The following MEIS2 variants were observed in gnomAD, a reference collection of about 807,000 sequenced individuals.
MEIS2 encodes homeobox protein Meis2.
MEIS2 carries 9 observed loss-of-function variants against 58.6 expected under a neutral mutation model. The ratio of observed to expected loss-of-function variants is 0.15; its 90% CI spans 0.09 to 0.27. The LOEUF (loss-of-function observed/expected upper bound fraction) is 0.27. Among genes scored for constraint, MEIS2 ranks in the 10% least tolerant of loss-of-function variants. The pLI is 1.00. For missense variants in MEIS2, 427 were observed against 635.0 expected (o/e 0.67, Z 3.52); for synonymous variants, 221 against 228.4 (o/e 0.97, Z 0.29).
In MEIS2 at chr15:37,061,295, A is replaced by T. The variant is rs78508705; in HGVS notation, c.754+22476T>A. Among the ~76,000 whole-genome samples the T allele has an allele frequency of 5.7e-3, 861 of 152,348 alleles. 2 individuals are homozygous for T. Among genetic ancestry groups the T allele is most frequent in the Non-Finnish European group, 8.1e-3 (550 of 68,026 alleles). ...TTGGGATGCCTTCTTGAAAGGCATC[A>T]TGTTAAAGTGCTGCAATATACCAGG... is the stretch of plus-strand genomic sequence containing the variant. On this transcript the variant is annotated intron_variant, in intron 7 of 11. Transcript: ENST00000561208.
chr15:37,029,448 G>A (rs1191445771), intron 8 of MEIS2, among the ~76,000 whole-genome samples: 2 of 152,066 alleles, frequency 1.3e-5, no homozygotes, highest in Non-Finnish European at 2.9e-5. Flanking sequence ...AATAACTAAT[G>A]TCCATGAAAT....
chr15:37,087,081 T>C (rs1214221158), intron 6 of MEIS2, among the ~76,000 whole-genome samples: 1 of 152,092 alleles, frequency 6.6e-6, no homozygotes, highest in African/African-American at 2.4e-5. Flanking sequence ...TACAAAAGCA[T>C]GTAAAAACAC....
At chr15:37,051,488 T>C (rs1456555072) in intron 7 of MEIS2, among the ~76,000 whole-genome samples, 1 of 151,762 alleles carries the variant, frequency 6.6e-6, no homozygotes, top group Non-Finnish European at 1.5e-5. Context: ...TTAAAAGGAG[T>C]GTAAGGAAAT....
chr15:37,043,962 A>C (rs1462328482), intron 7 of MEIS2, among the ~76,000 whole-genome samples: 1 of 152,144 alleles, frequency 6.6e-6, no homozygotes, highest in Non-Finnish European at 1.5e-5. Context: ...CTGTGATTAC[A>C]GGCGTGAGCC....
intron 7 of MEIS2, among the ~76,000 whole-genome samples, chr15:37,047,695 T>C (rs907399376): frequency 5.9e-5 from 9 of 152,188 alleles, no homozygotes; most frequent in African/African-American, 2.2e-4. Flanking sequence ...GTTGTTATGA[T>C]ATATGAGTCT....
intron 3 of MEIS2, 28 bp downstream of exon 3, chr15:37,096,261 G>A (rs770285635): frequency 1.9e-6 from 3 of 1,566,748 alleles, no homozygotes; most frequent in South Asian, 1.2e-5. Context: ...GGGACTGCCC[G>A]AAGTTGAGTG....
chr15:36,997,491 T>G (rs1272459877), intron 8 of MEIS2, among the ~76,000 whole-genome samples: 1 of 7,916 alleles, frequency 1.3e-4, no homozygotes, highest in East Asian at 2.3e-3. Flanking sequence ...CTCTCTCTCT[T>G]TTTTTTTTTT....
intron 8 of MEIS2, among the ~76,000 whole-genome samples, chr15:37,030,147 A>G (rs2061855699): frequency 6.6e-6 from 1 of 152,194 alleles, no homozygotes; most frequent in South Asian, 2.1e-4. Flanking sequence ...CTCTCTCAAA[A>G]GTAGCCCCAT....
At chr15:37,006,033 C>T (rs2060909706) in intron 8 of MEIS2, among the ~76,000 whole-genome samples, 1 of 152,166 alleles carries the variant, frequency 6.6e-6, no homozygotes, top group South Asian at 2.1e-4. Flanking sequence ...AGTACTGAAT[C>T]ATTTTTATTG....
chr15:36,939,237 T>C (rs1464583759), intron 9 of MEIS2, among the ~76,000 whole-genome samples: 3 of 152,228 alleles, frequency 2.0e-5, no homozygotes, highest in African/African-American at 7.2e-5. Context: ...CTCTAGCTTA[T>C]TTGAATTCAA....
chr15:36,947,089 C>A (rs1379905385), intron 9 of MEIS2, among the ~76,000 whole-genome samples: 1 of 151,982 alleles, frequency 6.6e-6, no homozygotes, highest in Non-Finnish European at 1.5e-5. Flanking sequence ...TTGTGATTAG[C>A]TTTGACAGTG....
intron 6 of MEIS2, among the ~76,000 whole-genome samples, chr15:37,086,780 T>C (rs546820280): frequency 1.3e-5 from 2 of 152,196 alleles, no homozygotes; most frequent in African/African-American, 2.4e-5. Context: ...GTTGTTTGTA[T>C]TGAGCTACAC....
intron 9 of MEIS2, among the ~76,000 whole-genome samples, chr15:36,902,838 C>A (rs1351220875): frequency 6.6e-6 from 1 of 152,134 alleles, no homozygotes; most frequent in East Asian, 1.9e-4. Flanking sequence ...TCCATCTGTA[C>A]CTCTTAAAGG....
intron 9 of MEIS2, among the ~76,000 whole-genome samples, chr15:36,911,113 CT>C (rs2056999872): frequency 6.6e-6 from 1 of 150,930 alleles, no homozygotes; most frequent in Non-Finnish European, 1.5e-5. Context: ...TTATATTAGG[CT>C]TAAATGTTTT....
At chr15:37,036,197 A>T (rs1349405039) in intron 8 of MEIS2, among the ~76,000 whole-genome samples, 1 of 152,214 alleles carries the variant, frequency 6.6e-6, no homozygotes, top group East Asian at 1.9e-4. Flanking sequence ...AGAAGTGAAC[A>T]TGGTTAGCTT....
chr15:36,991,826 C>T (rs1209094825), intron 8 of MEIS2, among the ~76,000 whole-genome samples: 4 of 107,416 alleles, frequency 3.7e-5, no homozygotes, highest in African/African-American at 1.1e-4. Flanking sequence ...CTCGCTCTGT[C>T]GCCCAGGCTG....
intron 8 of MEIS2, among the ~76,000 whole-genome samples, chr15:36,976,249 TA>T (rs1422485052): frequency 6.6e-6 from 1 of 151,774 alleles, no homozygotes; most frequent in Non-Finnish European, 1.5e-5. Flanking sequence ...CATGCCCAGC[TA>T]ATTTTTTGTA....
intron 8 of MEIS2, among the ~76,000 whole-genome samples, chr15:36,974,678 T>C (rs935008060): frequency 6.6e-6 from 1 of 152,158 alleles, no homozygotes; most frequent in African/African-American, 2.4e-5. Context: ...AAATCCAGTA[T>C]CAGATGGATA....
At chr15:37,040,858 C>T (rs2062392656) in intron 7 of MEIS2, among the ~76,000 whole-genome samples, 1 of 152,142 alleles carries the variant, frequency 6.6e-6, no homozygotes, top group South Asian at 2.1e-4. Flanking sequence ...TTCAAAATGT[C>T]CTAGGGCGGG....
Sources: allele counts gnomAD v4.1 joint callset (sites outside exome capture counted in the v4.1 genomes callset), GRCh38; gene constraint gnomAD v4.1.1; transcripts MANE v1.5; gene names NCBI Gene and HGNC (gene_info 2026-07-23, HGNC 2026-07-21).